UPK1B: variants seen among roughly 807,000 people sequenced by gnomAD.
The protein encoded by UPK1B is uroplakin 1B.
A neutral mutation model predicts 34.2 loss-of-function variants in UPK1B; 28 were observed. The ratio of observed to expected loss-of-function variants is 0.82; its 90% confidence interval spans 0.61 to 1.12. UPK1B has a LOEUF of 1.12. UPK1B is among the 50% of genes most tolerant of loss of function. The probability of loss-of-function intolerance (pLI) is 0.00; values close to 1 mark genes in which losing one functional copy is unlikely to be tolerated. For synonymous variants in UPK1B, 81 were observed against 110.4 expected, an observed-to-expected ratio of 0.73 and a Z score of 1.67; for missense variants, 325 against 320.9, an observed-to-expected ratio of 1.01 and a Z score of -0.10.
chr3:119,201,517 A>G (rs1199012408), intron 7 of UPK1B, among the ~76,000 whole-genome samples: 2 of 152,172 alleles, frequency 1.3e-5, no homozygotes, highest in Non-Finnish European at 2.9e-5. Context: ...AACGGCACAG[A>G]AAAAAACCCG....
In UPK1B at chr3:119,204,181, T is replaced by C; in HGVS notation, c.*214T>C. ...CTAGTCTAGCATTCTGCAACATTTA[T>C]ATAGACTGTTGAAAGGAGAATTTGA... On this transcript the variant is annotated 3_prime_UTR_variant, in exon 8 of 8. Coordinates refer to ENST00000264234, the MANE Select transcript of UPK1B (RefSeq NM_006952.4). 1 of 537,350 alleles carries C rather than the reference T, an allele frequency of 1.9e-6. No individual in the cohort carries two copies. The highest frequency in any genetic ancestry group is 3.1e-5 in the South Asian group (1 of 32,654). 33.3% of individuals were successfully genotyped at this position (537,350 alleles called of 1,614,324 possible).
At chr3:119,194,120 A>G in intron 5 of UPK1B, 99 bp from the exon 6 acceptor site, 1 of 1,183,888 alleles carries the variant, frequency 8.4e-7, no homozygotes, top group Non-Finnish European at 1.2e-6. Flanking sequence ...GATATGGTAC[A>G]CTTTCCGTAT....
chr3:119,192,976 T>C (rs2078050739), intron 5 of UPK1B, among the ~76,000 whole-genome samples: 2 of 105,962 alleles, frequency 1.9e-5, no homozygotes, highest in East Asian at 5.5e-4. Flanking sequence ...TCTGCTTTCA[T>C]CCAACTACAA....
chr3:119,193,094 C>G (rs1277202544), intron 5 of UPK1B, among the ~76,000 whole-genome samples: 1 of 152,208 alleles, frequency 6.6e-6, no homozygotes, highest in African/African-American at 2.4e-5. Context: ...TCTTTGACAT[C>G]TTATCAGCAT....
At chr3:119,182,040 G>A (rs1201870340) in intron 1 of UPK1B, among the ~76,000 whole-genome samples, 4 of 152,240 alleles carry the variant, frequency 2.6e-5, no homozygotes, top group African/African-American at 7.2e-5. Flanking sequence ...AGGCCCAATG[G>A]CGAGTGTTAA....
intron 1 of UPK1B, among the ~76,000 whole-genome samples, chr3:119,179,450 G>A (rs577344809): frequency 4.5e-5 from 6 of 133,372 alleles, no homozygotes; most frequent in Non-Finnish European, 9.5e-5. Flanking sequence ...TGACAAGTCC[G>A]AAATCTATAC....
intron 1 of UPK1B, among the ~76,000 whole-genome samples, chr3:119,174,368 TAA>T (rs1431632470): frequency 6.6e-6 from 1 of 152,226 alleles, no homozygotes; most frequent in Non-Finnish European, 1.5e-5. Context: ...AATACAAATT[TAA>T]GTTTCAAATA....
intron 6 of UPK1B, among the ~76,000 whole-genome samples, chr3:119,194,979 C>T (rs1169644885): frequency 2.0e-5 from 3 of 152,214 alleles, no homozygotes; most frequent in African/African-American, 7.2e-5. Context: ...TTATTGTGTA[C>T]TTACTAAATG....
chr3:119,195,096 C>T (rs2078060707), intron 6 of UPK1B, among the ~76,000 whole-genome samples: 1 of 152,174 alleles, frequency 6.6e-6, no homozygotes, highest in Admixed American at 6.5e-5. Flanking sequence ...CGTAGAGATA[C>T]TAATAAATAC....
intron 5 of UPK1B, among the ~76,000 whole-genome samples, chr3:119,192,602 T>A (rs2078049290): frequency 6.6e-6 from 1 of 152,170 alleles, no homozygotes; most frequent in African/African-American, 2.4e-5. Context: ...CCTCATATGT[T>A]TTTAAGAATA....
rs2078110053 is a variant in UPK1B at position 119,204,524 on chromosome 3, T to C, written c.*557T>C. On this transcript the variant is annotated 3_prime_UTR_variant, in exon 8 of 8. Transcript: ENST00000264234. ...TATTCTCCAGAATAATTCTTAACAG[T>C]GGTTCAAATTTCCTTTCATACCTTG... 6.5e-6 allele frequency: 1 copy of C among 152,894 alleles called. No homozygotes were observed. The highest frequency in any genetic ancestry group is 1.5e-5 in the Non-Finnish European group (1 of 68,534). 9.5% of individuals were successfully genotyped at this position (152,894 alleles called of 1,614,324 possible).
Position 119,191,099 on chromosome 3 carries a change from C to T in UPK1B, c.463C>T (p.Leu155Phe), listed in dbSNP as rs767665039. The stretch of plus-strand genomic sequence containing the variant: ...CACCAAAACCTGGGACAGGCTCATG[C>T]TCCAGGTAAGACCTGTGGTCTTGGG... ...GVTKTWDRLM[L>F]QDNCCGVNGP... The change falls in exon 5 of 8, where the codon CTC (leucine) becomes TTC (phenylalanine). Residue 155 changes from leucine to phenylalanine, a missense_variant. Coordinates refer to ENST00000264234, the MANE Select transcript of UPK1B (RefSeq NM_006952.4). 1.2e-6 allele frequency: 2 copies of T among 1,613,884 alleles called. No homozygotes were observed. The highest frequency in any genetic ancestry group is 2.2e-5 in the East Asian group (1 of 44,872).
At chr3:119,197,653 T>C (rs1357710822) in intron 6 of UPK1B, among the ~76,000 whole-genome samples, 1 of 152,224 alleles carries the variant, frequency 6.6e-6, no homozygotes. Context: ...TGTTCTAGGT[T>C]CTAGAAATTC....
chr3:119,189,221 A>G (rs1235919240), intron 3 of UPK1B, among the ~76,000 whole-genome samples: 1 of 152,190 alleles, frequency 6.6e-6, no homozygotes, highest in East Asian at 1.9e-4. Flanking sequence ...AGCAGCTAAC[A>G]CAGGAAAAAA....
At chr3:119,188,131 C>G (rs767085084) in intron 3 of UPK1B, among the ~76,000 whole-genome samples, 156 bp downstream of exon 3, 37 of 152,150 alleles carry the variant, frequency 2.4e-4, no homozygotes, top group Non-Finnish European at 4.7e-4. Flanking sequence ...AAATGGTCCA[C>G]ATGGAGGCAA....
At chr3:119,203,148 C>T (rs1435235213) in intron 7 of UPK1B, among the ~76,000 whole-genome samples, 1 of 151,962 alleles carries the variant, frequency 6.6e-6, no homozygotes, top group Non-Finnish European at 1.5e-5. Flanking sequence ...CGAGACCATC[C>T]TGGCTAACAC....
intron 3 of UPK1B, 110 bp downstream of exon 3, chr3:119,188,085 A>G (rs1348286279): frequency 5.1e-6 from 6 of 1,179,244 alleles, no homozygotes; most frequent in Admixed American, 1.9e-5. Flanking sequence ...GAAGTACCAG[A>G]TAAGGGGTGA....
At chr3:119,201,445 G>A (rs2078090154) in intron 7 of UPK1B, among the ~76,000 whole-genome samples, 1 of 152,206 alleles carries the variant, frequency 6.6e-6, no homozygotes, top group Non-Finnish European at 1.5e-5. Context: ...AACACAGCGT[G>A]TGCAGGGGAA....
At chr3:119,188,827 T>G (rs2078031278) in intron 3 of UPK1B, among the ~76,000 whole-genome samples, 1 of 152,196 alleles carries the variant, frequency 6.6e-6, no homozygotes, top group South Asian at 2.1e-4. Context: ...AGGACCTCAG[T>G]TCCCCCTTTA....
Sources: gnomAD v4.1 joint callset for allele counts (sites outside exome capture counted in the v4.1 genomes callset) on GRCh38, gnomAD v4.1.1 for gene constraint, MANE v1.5 for transcripts, NCBI Gene and HGNC (gene_info 2026-07-23, HGNC 2026-07-21) for gene names.